Variants in PCDHGA6 observed in about 807,000 individuals in gnomAD.
PCDHGA6 encodes protocadherin gamma-A6.
Under a neutral mutation model 60.6 loss-of-function variants are expected in PCDHGA6, and 41 were observed. That is an observed-to-expected ratio of 0.68 (90% CI 0.53 to 0.88). The LOEUF is 0.88. Among genes scored for constraint, PCDHGA6 ranks in the 40% least tolerant of loss-of-function variants. The pLI is 0.00. For missense variants in PCDHGA6, 1,312 were observed against 1,203.0 expected (o/e 1.09, Z -1.34); for synonymous variants, 594 against 524.4 (o/e 1.13, Z -1.81).
At chr5:141,425,827 T>C (rs2096896512) in intron 1 of PCDHGA6, among the ~76,000 whole-genome samples, 1 of 152,226 alleles carries the variant, frequency 6.6e-6, no homozygotes, top group South Asian at 2.1e-4. Context: ...AAACAAACTT[T>C]TAAATTCTCT....
Position 141,375,865 on chromosome 5 carries a change from GGACA to G in PCDHGA6, c.1785_1788del (p.Asp595GlufsTer47). 1.2e-6 allele frequency: 2 copies of G among 1,613,976 alleles called. No homozygotes were observed. On this transcript the variant is annotated frameshift_variant, in exon 1 of 4. Transcript: ENST00000517434. LOFTEE classifies it high-confidence loss of function. ...ACCTGGTGACCAAGGTGGTGGCGGT[GGACA>G]GAGACTCGGGCCAGAACGCCTGGCT...
At position 141,374,771 on chromosome 5, in the gene PCDHGA6, G is replaced by A. The variant is rs1770825611; in HGVS notation, c.688G>A (p.Val230Ile). 1 of 1,613,744 alleles carries A rather than the reference G, an allele frequency of 6.2e-7. No individual in the cohort carries two copies. The highest frequency in any genetic ancestry group is 8.5e-7 in the Non-Finnish European group (1 of 1,179,778). The change falls in exon 1 of 4, where the codon GTA (valine) becomes ATA (isoleucine). Residue 230 changes from valine to isoleucine, a missense_variant. Transcript: ENST00000517434. ...CCGCTCAAGCGTCGCCCAAATTCTG[G>A]TAACAGTTCTAGATGTGAATGACAA... ...PVRSSVAQIL[V>I]TVLDVNDNTP...
At chr5:141,478,074 A>G in intron 1 of PCDHGA6, 1 of 1,614,090 alleles carries the variant, frequency 6.2e-7, no homozygotes, top group Non-Finnish European at 8.5e-7. Context: ...GACAATGGGG[A>G]GCCTTCGCTC....
At chr5:141,397,324 T>C (rs2093508718) in intron 1 of PCDHGA6, among the ~76,000 whole-genome samples, 1 of 152,148 alleles carries the variant, frequency 6.6e-6, no homozygotes, top group African/African-American at 2.4e-5. Flanking sequence ...TAAAGAAAAA[T>C]TATTTTTATA....
At position 141,455,318 on chromosome 5, in the gene PCDHGA6, G is replaced by A. The variant is rs534507768; in HGVS notation, c.2425-39489G>A. On this transcript the variant is annotated intron_variant, in intron 1 of 3. Transcript: ENST00000517434. ...TTTCATCTTGCATTAGCAATTTTGT[G>A]TGTGTGTTTGTGGTTTTAAGGAGCG... is the stretch of plus-strand genomic sequence containing the variant. Among the ~76,000 whole-genome samples the A allele has an allele frequency of 2.4e-4, 37 of 152,186 alleles. No individual in the cohort carries two copies. The South Asian group carries it at 5.6e-3, about 23-fold the overall frequency.
At chr5:141,393,304 T>G (rs1317637425) in intron 1 of PCDHGA6, 3 of 1,613,680 alleles carry the variant, frequency 1.9e-6, no homozygotes, top group Admixed American at 1.7e-5. Context: ...GATGTGGGCG[T>G]GAACTCCCTC....
intron 1 of PCDHGA6, among the ~76,000 whole-genome samples, chr5:141,473,431 G>C (rs541546681): frequency 6.6e-6 from 1 of 152,148 alleles, no homozygotes; most frequent in South Asian, 2.1e-4. Context: ...CAGATACTTT[G>C]CTTATGCAAA....
chr5:141,469,830 A>G (rs184478661), intron 1 of PCDHGA6, among the ~76,000 whole-genome samples: 1 of 152,124 alleles, frequency 6.6e-6, no homozygotes, highest in African/African-American at 2.4e-5. Flanking sequence ...GGTCACATAA[A>G]ACTTATTCTT....
chr5:141,462,623 T>C (rs992165332), intron 1 of PCDHGA6, among the ~76,000 whole-genome samples: 3 of 150,992 alleles, frequency 2.0e-5, no homozygotes, highest in Non-Finnish European at 4.4e-5. Context: ...CTTTTAGAAG[T>C]TCCATTTGAC....
At chr5:141,467,491 A>T (rs2154569531) in intron 1 of PCDHGA6, among the ~76,000 whole-genome samples, 1 of 152,224 alleles carries the variant, frequency 6.6e-6, no homozygotes, top group Admixed American at 6.5e-5. Flanking sequence ...CCACATTTAG[A>T]TCCCTGATCT....
intron 1 of PCDHGA6, chr5:141,420,545 A>G: frequency 3.5e-6 from 1 of 289,066 alleles, no homozygotes; most frequent in Non-Finnish European, 6.2e-6. Flanking sequence ...TATAAAATAC[A>G]GGTATATTTT....
Position 141,384,271 on chromosome 5 carries a change from T to G in PCDHGA6, c.2424+7764T>G, listed in dbSNP as rs763450732. On this transcript the variant is annotated intron_variant, in intron 1 of 3. Coordinates refer to ENST00000517434, the MANE Select transcript of PCDHGA6 (RefSeq NM_018919.3). ...ACCCACCTTCCCCCACTCATCCTAC[T>G]CAGTCTACATCGCTGAGAACAACCC... is the stretch of plus-strand genomic sequence containing the variant. The G allele has an allele frequency of 4.0e-5, 65 of 1,613,734 alleles. No individual in the cohort carries two copies. The Admixed American group carries it at 5.7e-4, about 14-fold the overall frequency.
intron 3 of PCDHGA6, among the ~76,000 whole-genome samples, chr5:141,509,880 T>C (rs1475661741): frequency 6.6e-6 from 1 of 152,184 alleles, no homozygotes; most frequent in African/African-American, 2.4e-5. Flanking sequence ...CTGGTGGTGA[T>C]GGTGACTGAC....
intron 1 of PCDHGA6, chr5:141,383,931 T>G: frequency 6.2e-7 from 1 of 1,613,818 alleles, no homozygotes. Flanking sequence ...ATGATAATGC[T>G]CCAGAAGTGA....
At position 141,375,816 on chromosome 5, in the gene PCDHGA6, C is replaced by G; in HGVS notation, c.1733C>G (p.Ala578Gly). 2 of 1,614,194 alleles carry G rather than the reference C, an allele frequency of 1.2e-6. No individual in the cohort carries two copies. Among genetic ancestry groups the G allele is most frequent in the South Asian group, 2.2e-5 (2 of 91,080 alleles). Reference sequence around the variant, plus strand: ...GACGGTTCCACTGGCGTGGAGCTGGCGCCCCGCTCCGCAGAGCCCGGCTAC... The same window carrying G: ...GACGGTTCCACTGGCGTGGAGCTGGGGCCCCGCTCCGCAGAGCCCGGCTAC... Reference protein sequence around the residue: ...PTDGSTGVELAPRSAEPGYLV... With the variant: ...PTDGSTGVELGPRSAEPGYLV... The change falls in exon 1 of 4, where the codon GCG becomes GGG. Residue 578 changes from alanine (A) to glycine (G), a missense_variant. Ala to Gly is a moderately conservative substitution (Grantham distance 60). Coordinates refer to ENST00000517434, the MANE Select transcript of PCDHGA6 (RefSeq NM_018919.3).
At chr5:141,395,424 T>C in intron 1 of PCDHGA6, 2 of 735,384 alleles carry the variant, frequency 2.7e-6, no homozygotes, top group Middle Eastern at 7.8e-4. Flanking sequence ...TTTCATTTGC[T>C]TTTAAACGAC....
At chr5:141,463,402 T>C (rs1214124103) in intron 1 of PCDHGA6, among the ~76,000 whole-genome samples, 1 of 149,978 alleles carries the variant, frequency 6.7e-6, no homozygotes, top group African/African-American at 2.5e-5. Context: ...GCAAAAAAAA[T>C]GGAGATCCTA....
chr5:141,409,304 C>T, intron 1 of PCDHGA6: 2 of 1,613,954 alleles, frequency 1.2e-6, no homozygotes, highest in Non-Finnish European at 1.7e-6. Flanking sequence ...GGTTGTTGCC[C>T]TCTTCAAAAC....
intron 1 of PCDHGA6, chr5:141,395,402 C>T (rs1012676021): frequency 5.9e-6 from 5 of 846,250 alleles, no homozygotes; most frequent in Non-Finnish European, 8.7e-6. Context: ...CTCTAATAGT[C>T]ATAGGTTATT....
Sources: allele counts gnomAD v4.1 joint callset (sites outside exome capture counted in the v4.1 genomes callset), GRCh38; gene constraint gnomAD v4.1.1; transcripts MANE v1.5; gene names NCBI Gene and HGNC (gene_info 2026-07-23, HGNC 2026-07-21).